The following GRIK5 variants were observed in gnomAD, a reference collection of about 807,000 sequenced individuals.
The protein encoded by GRIK5 is glutamate ionotropic receptor kainate type subunit 5.
GRIK5 carries 43 observed loss-of-function variants against 97.4 expected under a neutral mutation model. The observed-to-expected ratio is 0.44, with a 90% CI of 0.35 to 0.57. GRIK5 has a LOEUF of 0.57. Among genes scored for constraint, GRIK5 ranks in the 20% least tolerant of loss-of-function variants. The pLI, the probability that GRIK5 is intolerant of heterozygous loss-of-function variation, is 0.01. For missense variants in GRIK5, 1,015 were observed against 1,382.0 expected, an observed-to-expected ratio of 0.73 and a Z score of 4.21; for synonymous variants, 580 against 583.5, an observed-to-expected ratio of 0.99 and a Z score of 0.09.
At chr19:42,055,831 C>T (rs529401538) in intron 8 of GRIK5, among the ~76,000 whole-genome samples, 213 of 151,818 alleles carry the variant, frequency 1.4e-3, no homozygotes, top group African/African-American at 4.7e-3. Context: ...TACAGGCATA[C>T]GCCACCACAC....
chr19:42,006,210 C>T lies in GRIK5; in HGVS notation c.2038-262G>A, dbSNP rs1276140906. Reference sequence around the variant, plus strand: ...CTCCACCTCCTTCCCCTTAACCCTCCAGCCGGTGGCCGCTGCCCAACTCAG... The same window carrying T: ...CTCCACCTCCTTCCCCTTAACCCTCTAGCCGGTGGCCGCTGCCCAACTCAG... On this transcript the variant is annotated intron_variant, in intron 16 of 19. Transcript: ENST00000593562. The surrounding 1 kb of genome is among the most constrained non-coding windows in gnomAD (Gnocchi z 5.3). Among the ~76,000 whole-genome samples the T allele has an allele frequency of 2.0e-5, 3 of 152,158 alleles. No homozygotes were observed. The highest frequency in any genetic ancestry group is 4.4e-5 in the Non-Finnish European group (3 of 68,006).
intron 12 of GRIK5, among the ~76,000 whole-genome samples, chr19:42,039,448 G>A (rs897801952): frequency 2.6e-5 from 4 of 152,212 alleles, no homozygotes; most frequent in African/African-American, 9.6e-5. Flanking sequence ...ACTCCAGCCT[G>A]CCTGGGCAGC....
intron 11 of GRIK5, among the ~76,000 whole-genome samples, chr19:42,045,437 A>T (rs2076031486): frequency 6.6e-6 from 1 of 152,222 alleles, no homozygotes; most frequent in Non-Finnish European, 1.5e-5. Flanking sequence ...CACCAGCTGA[A>T]TGCTGCCGCA....
intron 12 of GRIK5, among the ~76,000 whole-genome samples, chr19:42,027,496 A>C (rs1431687838): frequency 2.0e-5 from 3 of 152,236 alleles, no homozygotes; most frequent in African/African-American, 7.2e-5. Context: ...CTTGCGGGCC[A>C]CAGTAAGGTA....
chr19:42,059,697 C>T (rs2076234372), intron 5 of GRIK5, among the ~76,000 whole-genome samples, 170 bp from the exon 6 acceptor site: 2 of 151,958 alleles, frequency 1.3e-5, no homozygotes, highest in Non-Finnish European at 2.9e-5. Flanking sequence ...AAAGCCTGGG[C>T]CCTCCCCAAT....
chr19:42,020,811 T>C (rs980396481), intron 15 of GRIK5, among the ~76,000 whole-genome samples: 2 of 152,224 alleles, frequency 1.3e-5, no homozygotes, highest in Non-Finnish European at 2.9e-5. Context: ...TTGTTTAGCA[T>C]GTCATCAAGA....
chr19:42,012,208 G>GTATA lies in GRIK5; in HGVS notation c.1872-5402_1872-5399dup, dbSNP rs200266022. Among the ~76,000 whole-genome samples, 6 of 151,926 alleles carry GTATA rather than the reference G, an allele frequency of 3.9e-5. No individual in the cohort carries two copies. In the East Asian group the frequency reaches 1.2e-3, roughly 29 times the overall value. ...CTTTTACATATACATATATGTATAT[G>GTATA]TATATATACATGTATGTGTATGTAT... On this transcript the variant is annotated intron_variant, in intron 15 of 19. Transcript: ENST00000593562.
At position 42,062,553 on chromosome 19, in the gene GRIK5, G is replaced by A. The variant is rs552397730; in HGVS notation, c.443C>T (p.Ala148Val). 3.2e-5 allele frequency: 51 copies of A among 1,614,146 alleles called. No individual in the cohort carries two copies. Among genetic ancestry groups the A allele is most frequent in the African/African-American group, 9.3e-5 (7 of 75,038 alleles). The part of the protein sequence containing the change: ...LYPSNEDVSL[A>V]VSRILKSFNY... ...GAAGGACTTGAGGATTCGGGAGACCGCCAAGCTGACGTCCTCGTTACTGGG... is the reference window on the plus strand; with the variant it reads ...GAAGGACTTGAGGATTCGGGAGACCACCAAGCTGACGTCCTCGTTACTGGG... The change falls in exon 5 of 20, where the codon GCG becomes GTG. Residue 148 changes from alanine (A) to valine (V), a missense_variant. This residue lies in a region of GRIK5 where 198 missense variants were observed against 218.2 expected (regional missense o/e 0.91). Transcript: ENST00000593562. The surrounding 1 kb of genome is among the most constrained non-coding windows in gnomAD (Gnocchi z 5.3).
At chr19:42,040,953 CA>C (rs949823912) in intron 12 of GRIK5, among the ~76,000 whole-genome samples, 7 of 152,070 alleles carry the variant, frequency 4.6e-5, no homozygotes, top group African/African-American at 1.7e-4. Flanking sequence ...CAGAAGTTTT[CA>C]AACCAGCTGG....
rs114188533 is a variant in GRIK5 at position 42,006,397 on chromosome 19, T to C, written c.2037+248A>G. On this transcript the variant is annotated intron_variant, in intron 16 of 19. Coordinates refer to ENST00000593562, the MANE Select transcript of GRIK5 (RefSeq NM_002088.5). The surrounding 1 kb of genome is among the most constrained non-coding windows in gnomAD (Gnocchi z 5.3). ...GTCCCGACCCTTCCAGCAGCCTCCT[T>C]GATCCCATTTGGCCCATATGACATT... 6.6e-3 allele frequency among the ~76,000 whole-genome samples: 1,003 copies of C among 152,300 alleles called. 14 individuals carry two copies. The highest frequency in any genetic ancestry group is 0.023 in the African/African-American group (960 of 41,570).
intron 15 of GRIK5, among the ~76,000 whole-genome samples, chr19:42,016,037 A>T (rs1351276288): frequency 2.0e-5 from 3 of 152,198 alleles, no homozygotes; most frequent in African/African-American, 7.2e-5. Flanking sequence ...CAAAACCCCA[A>T]GACACAAAGA....
intron 12 of GRIK5, among the ~76,000 whole-genome samples, chr19:42,029,730 C>T (rs1011649263): frequency 6.6e-6 from 1 of 152,292 alleles, no homozygotes; most frequent in Middle Eastern, 3.4e-3. Flanking sequence ...CAGATCAGCT[C>T]GCATGCAGCC....
rs2076312176 is a variant in GRIK5 at position 42,065,125 on chromosome 19, G to C, written c.244+98C>G. On this transcript the variant is annotated intron_variant, in intron 3 of 19. Transcript: ENST00000593562. The surrounding 1 kb of genome is among the most constrained non-coding windows in gnomAD (Gnocchi z 5.8). ...ACAAAGAAGGGGGAGGATGGAGCTAGAAGAGGACAAGGCCAGGCCAGAGGC... is the reference window on the plus strand; with the variant it reads ...ACAAAGAAGGGGGAGGATGGAGCTACAAGAGGACAAGGCCAGGCCAGAGGC... 1 of 1,039,270 alleles carries C rather than the reference G, an allele frequency of 9.6e-7. No individual in the cohort carries two copies. The highest frequency in any genetic ancestry group is 1.4e-6 in the Non-Finnish European group (1 of 709,908). 64.4% of individuals were successfully genotyped at this position (1,039,270 alleles called of 1,614,324 possible).
intron 12 of GRIK5, among the ~76,000 whole-genome samples, chr19:42,029,691 G>A (rs913712436): frequency 3.3e-5 from 5 of 152,156 alleles, no homozygotes; most frequent in East Asian, 3.9e-4. Context: ...TGAATCTCCC[G>A]ATCTGCTGGT....
intron 12 of GRIK5, among the ~76,000 whole-genome samples, chr19:42,023,425 T>C (rs776862158): frequency 2.6e-5 from 4 of 152,218 alleles, no homozygotes; most frequent in Non-Finnish European, 5.9e-5. Flanking sequence ...ACGTGAATTG[T>C]CGTGGAAATC....
intron 5 of GRIK5, among the ~76,000 whole-genome samples, chr19:42,060,640 G>A (rs1443672191): frequency 6.6e-6 from 1 of 151,172 alleles, no homozygotes; most frequent in Non-Finnish European, 1.5e-5. Context: ...TCACTCTCTG[G>A]GCTTGAGCCA....
At chr19:42,004,450 G>C (rs771526527) in intron 17 of GRIK5, among the ~76,000 whole-genome samples, 2 of 152,064 alleles carry the variant, frequency 1.3e-5, no homozygotes, top group Non-Finnish European at 2.9e-5. Flanking sequence ...CCAGAGACAC[G>C]GGCAGATGAA....
intron 15 of GRIK5, among the ~76,000 whole-genome samples, chr19:42,019,058 G>C (rs1329372794): frequency 6.6e-6 from 1 of 152,210 alleles, no homozygotes; most frequent in East Asian, 1.9e-4. Context: ...AGTGGGGGCT[G>C]TCTGGGTGAC....
At chr19:42,000,663 C>T (rs1033104335) in intron 19 of GRIK5, among the ~76,000 whole-genome samples, 11 of 152,180 alleles carry the variant, frequency 7.2e-5, no homozygotes, top group African/African-American at 2.7e-4. Context: ...ATCCCACCTC[C>T]CGCGTCCACG....
Sources: gnomAD v4.1 joint callset for allele counts (sites outside exome capture counted in the v4.1 genomes callset) on GRCh38, gnomAD v4.1.1 for gene constraint, gnomAD v4.1.1 regional missense constraint, Gnocchi (gnomAD v3.1) non-coding constraint, MANE v1.5 for transcripts, NCBI Gene and HGNC (gene_info 2026-07-23, HGNC 2026-07-21) for gene names.